The following CDK10 variants were observed in gnomAD, a reference collection of about 807,000 sequenced individuals.
CDK10 encodes the protein cyclin-dependent kinase 10.
CDK10 carries 55 observed loss-of-function variants against 51.0 expected under a neutral mutation model. That is an observed-to-expected ratio of 1.08 (90% CI 0.87 to 1.35). The LOEUF (loss-of-function observed/expected upper bound fraction) is 1.35, where lower values mean the gene tolerates loss of function less well. CDK10 is among the 40% of genes most tolerant of loss of function. The probability of loss-of-function intolerance (pLI) is 0.00; values close to 1 mark genes in which losing one functional copy is unlikely to be tolerated. For missense variants in CDK10, 589 were observed against 485.1 expected, an observed-to-expected ratio of 1.21 and a Z score of -2.01; for synonymous variants, 255 against 199.1, an observed-to-expected ratio of 1.28 and a Z score of -2.36.
chr16:89,692,370 G>C, intron 5 of CDK10, 79 bp from the exon 6 acceptor site: 3 of 1,098,314 alleles, frequency 2.7e-6, no homozygotes, highest in Non-Finnish European at 3.9e-6. Context: ...TAGTCCTGCT[G>C]GCCAGTGTGG....
intron 4 of CDK10, 52 bp from the exon 5 acceptor site, chr16:89,691,753 TC>T: frequency 6.5e-7 from 1 of 1,542,704 alleles, no homozygotes; most frequent in South Asian, 1.1e-5. Flanking sequence ...AGGCTCCACT[TC>T]CACCCCTTAG....
rs890582357 is a variant in CDK10, at chr16:89,694,927, A to G, written c.793-4A>G. On this transcript the variant is annotated splice_region_variant and splice_polypyrimidine_tract_variant and intron_variant, in intron 10 of 12. Coordinates refer to ENST00000353379, the MANE Select transcript of CDK10 (RefSeq NM_052988.5). ...CTCTGCGCCTCAGCTCCTGCCTCCC[A>G]TAGGGCTTTTCCAAGCTGCCACTGG... 3.7e-6 allele frequency: 6 copies of G among 1,611,266 alleles called. No individual in the cohort carries two copies. The highest frequency in any genetic ancestry group is 3.3e-5 in the South Asian group (3 of 91,026).
chr16:89,693,593 C>T (rs1359882987), intron 8 of CDK10, 126 bp downstream of exon 8: 3 of 930,892 alleles, frequency 3.2e-6, no homozygotes, highest in Admixed American at 4.2e-5. Context: ...TGTGCACACT[C>T]AGAAACGTTG....
At chr16:89,687,529 C>G (rs1377318145) in intron 1 of CDK10, 1 of 455,872 alleles carries the variant, frequency 2.2e-6, no homozygotes, top group Non-Finnish European at 4.4e-6. Context: ...GAGCCGTGTG[C>G]TGGACTCTGG....
At chr16:89,695,393 C>A in intron 12 of CDK10, 48 bp downstream of exon 12, 1 of 1,583,758 alleles carries the variant, frequency 6.3e-7, no homozygotes. Context: ...TGGCTGGGAG[C>A]CCGTTTTGCC....
At chr16:89,691,395 C>A in intron 3 of CDK10, 48 bp from the exon 4 acceptor site, 1 of 1,438,650 alleles carries the variant, frequency 7.0e-7, no homozygotes, top group Non-Finnish European at 9.5e-7. Context: ...GTTGGGGCTT[C>A]CCCGCCATCA....
Position 89,694,144 on chromosome 16 carries a change from T to C in CDK10, c.609-29T>C, listed in dbSNP as rs460057. ...CCTGGGCTGGGGGAGAGGAGCCGGCTGTATTGAGGTGGGTGCTTCTGTGTG... is the reference window on the plus strand; with the variant it reads ...CCTGGGCTGGGGGAGAGGAGCCGGCCGTATTGAGGTGGGTGCTTCTGTGTG... On this transcript the variant is annotated intron_variant, in intron 8 of 12. Coordinates refer to ENST00000353379, the MANE Select transcript of CDK10 (RefSeq NM_052988.5). The C allele has an allele frequency of 1, 1,605,643 of 1,611,886 alleles. 799,859 individuals carry two copies. The highest frequency in any genetic ancestry group is 1 in the East Asian group (44,823 of 44,826).
At chr16:89,689,646 T>A (rs2060354532) in intron 2 of CDK10, 1 of 299,544 alleles carries the variant, frequency 3.3e-6, no homozygotes, top group Non-Finnish European at 6.4e-6. Context: ...GTCTATCACC[T>A]CAGCAACTCT....
chr16:89,693,921 G>A, intron 8 of CDK10: 1 of 595,164 alleles, frequency 1.7e-6, no homozygotes, highest in Non-Finnish European at 3.0e-6. Flanking sequence ...CGGGTTGGTA[G>A]TGGCTGGTGT....
In CDK10 at chr16:89,692,071, G is replaced by A. The variant is rs1350710881; in HGVS notation, c.417+184G>A. Reference sequence around the variant, plus strand: ...TGGTGGGGGCATCTGCTGGGAGCGGGCAGCCCCAGGGCCGAGAGCCTTATG... The same window carrying A: ...TGGTGGGGGCATCTGCTGGGAGCGGACAGCCCCAGGGCCGAGAGCCTTATG... On this transcript the variant is annotated intron_variant, in intron 5 of 12. Transcript: ENST00000353379. The A allele has an allele frequency of 1.3e-5, 8 of 621,906 alleles. No homozygotes were observed. In the African/African-American group the frequency reaches 1.3e-4, roughly 10 times the overall value. 38.5% of individuals were successfully genotyped at this position (621,906 alleles called of 1,614,324 possible).
chr16:89,693,651 TGA>T (rs2060559624), intron 8 of CDK10, 184 bp downstream of exon 8: 3 of 624,910 alleles, frequency 4.8e-6, no homozygotes, highest in Middle Eastern at 8.6e-4. Context: ...CACAAAATGG[TGA>T]GAGACGGGCT....
chr16:89,694,776 G>A lies in CDK10; in HGVS notation c.780G>A (p.Glu260=). Residue 260 remains glutamate, a synonymous_variant, in exon 10 of 13, where the codon GAG becomes GAA. Transcript: ENST00000353379. ...LIVQLLGTPS[E]NIWPGFSKLP... ...TGCAGCTGCTGGGCACGCCCAGTGA[G>A]AACATCTGGCCGGTGGGCGTCCTGG... The A allele has an allele frequency of 6.4e-7, 1 of 1,562,662 alleles. No individual in the cohort carries two copies.
chr16:89,693,093 G>C (rs923420317), intron 6 of CDK10, among the ~76,000 whole-genome samples, 181 bp from the exon 7 acceptor site: 5 of 150,364 alleles, frequency 3.3e-5, no homozygotes, highest in African/African-American at 9.8e-5. Flanking sequence ...AGCCGGGATT[G>C]CTCCACTGCA....
chr16:89,693,384 C>T lies in CDK10; in HGVS notation c.539-14C>T, dbSNP rs377740005. 3.1e-6 allele frequency: 5 copies of T among 1,614,058 alleles called. No individual in the cohort carries two copies. The highest frequency in any genetic ancestry group is 1.1e-5 in the South Asian group (1 of 91,090). ...GATGGCACTTGGTGACACACACTCC[C>T]CTCTCTGCTGCAGCGGATTTCGGCC... On this transcript the variant is annotated splice_polypyrimidine_tract_variant and intron_variant, in intron 7 of 12. Coordinates refer to ENST00000353379, the MANE Select transcript of CDK10 (RefSeq NM_052988.5).
At position 89,694,773 on chromosome 16, in the gene CDK10, T is replaced by G. The variant is rs765478074; in HGVS notation, c.777T>G (p.Ser259Arg). Residue 259 changes from serine (S) to arginine (R), a missense_variant, in exon 10 of 13, where the codon AGT becomes AGG. By Grantham distance (110) the Ser-to-Arg change is moderately radical (BLOSUM62 -1). Coordinates refer to ENST00000353379, the MANE Select transcript of CDK10 (RefSeq NM_052988.5). ...DLIVQLLGTP[S>R]ENIWPGFSKL... The stretch of plus-strand genomic sequence containing the variant: ...TCGTGCAGCTGCTGGGCACGCCCAG[T>G]GAGAACATCTGGCCGGTGGGCGTCC... 2 of 1,562,616 alleles carry G rather than the reference T, an allele frequency of 1.3e-6. No homozygotes were observed. The highest frequency in any genetic ancestry group is 1.7e-6 in the Non-Finnish European group (2 of 1,155,254).
chr16:89,691,010 G>T (rs1257761885), intron 3 of CDK10, among the ~76,000 whole-genome samples: 1 of 152,242 alleles, frequency 6.6e-6, no homozygotes, highest in Non-Finnish European at 1.5e-5. Context: ...ATTGGGCCGG[G>T]CATGGTGGCT....
chr16:89,695,538 C>T, intron 12 of CDK10, 57 bp from the exon 13 acceptor site: 1 of 1,556,410 alleles, frequency 6.4e-7, no homozygotes, highest in South Asian at 1.2e-5. Context: ...CAGACCTGGG[C>T]CTGCTCCTCC....
chr16:89,692,554 G>C, intron 6 of CDK10, 38 bp downstream of exon 6: 1 of 1,507,534 alleles, frequency 6.6e-7, no homozygotes, highest in Non-Finnish European at 9.0e-7. Flanking sequence ...GCACAAATTC[G>C]GCTGAGGCCT....
At position 89,686,800 on chromosome 16, in the gene CDK10, G is replaced by A; in HGVS notation, c.87+3G>A. On this transcript the variant is annotated splice_donor_region_variant and intron_variant, in intron 1 of 12. Coordinates refer to ENST00000353379, the MANE Select transcript of CDK10 (RefSeq NM_052988.5). ...TCACGGTGCCTCCGGAACACAGGGT[G>A]CGCGGGGTGCCACCCGGGCAGCTCT... 1 of 1,608,504 alleles carries A rather than the reference G, an allele frequency of 6.2e-7. No homozygotes were observed.
Sources: allele counts gnomAD v4.1 joint callset (sites outside exome capture counted in the v4.1 genomes callset), GRCh38; gene constraint gnomAD v4.1.1; transcripts MANE v1.5; gene names NCBI Gene and HGNC (gene_info 2026-07-23, HGNC 2026-07-21).